The following TRPC4 variants were observed in gnomAD, a reference collection of about 807,000 sequenced individuals.
TRPC4 encodes the protein transient receptor potential cation channel subfamily C member 4.
A neutral mutation model predicts 99.4 loss-of-function variants in TRPC4; 49 were observed. That is an observed-to-expected ratio of 0.49 (90% confidence interval 0.39 to 0.63). TRPC4 has a LOEUF of 0.63. Among genes scored for constraint, TRPC4 ranks in the 20% least tolerant of loss-of-function variants. The pLI, the probability that TRPC4 is intolerant of heterozygous loss-of-function variation, is 0.00. For synonymous variants in TRPC4, 454 were observed against 425.9 expected (o/e 1.07, Z -0.81); for missense variants, 898 against 1,152.9 (o/e 0.78, Z 3.20).
chr13:37,827,559 G>C (rs567980233), intron 1 of TRPC4, among the ~76,000 whole-genome samples: 1 of 152,096 alleles, frequency 6.6e-6, no homozygotes, highest in African/African-American at 2.4e-5. Flanking sequence ...CCCCTGCTGG[G>C]GGGTGCCTCC....
intron 3 of TRPC4, among the ~76,000 whole-genome samples, chr13:37,745,461 T>TGC (rs1362376691): frequency 2.5e-3 from 39 of 15,444 alleles, no homozygotes; most frequent in African/African-American, 7.6e-3. Flanking sequence ...TATATATATA[T>TGC]ATATATATAT....
chr13:37,672,201 C>T lies in TRPC4; in HGVS notation c.1374+2027G>A, dbSNP rs558488230. Reference sequence around the variant, plus strand: ...TTAATCTATGTAAGCATACTCACTACGTACCAGAGTTCTTATATATGAAAA... The same window carrying T: ...TTAATCTATGTAAGCATACTCACTATGTACCAGAGTTCTTATATATGAAAA... On this transcript the variant is annotated intron_variant, in intron 5 of 10. Transcript: ENST00000379705. Among the ~76,000 whole-genome samples the T allele has an allele frequency of 1.6e-4, 25 of 152,266 alleles. No homozygotes were observed. The East Asian group carries it at 3.9e-3, about 23-fold the overall frequency.
At chr13:37,735,893 T>A (rs942507522) in intron 3 of TRPC4, among the ~76,000 whole-genome samples, 1 of 152,202 alleles carries the variant, frequency 6.6e-6, no homozygotes, top group African/African-American at 2.4e-5. Flanking sequence ...CAATTTGCTG[T>A]TTTATGTTTT....
chr13:37,782,173 G>T (rs563300439), intron 2 of TRPC4, among the ~76,000 whole-genome samples: 11 of 152,174 alleles, frequency 7.2e-5, no homozygotes, highest in African/African-American at 2.2e-4. Flanking sequence ...ACACAAGGCA[G>T]TTACAAAGGG....
chr13:37,738,232 A>G (rs1242931551), intron 3 of TRPC4, among the ~76,000 whole-genome samples: 1 of 152,222 alleles, frequency 6.6e-6, no homozygotes, highest in East Asian at 1.9e-4. Context: ...GAATAAGGAA[A>G]TGGCAGGGTG....
rs576254868 is a variant in TRPC4 at position 37,658,872 on chromosome 13, G to A, written c.1689-3589C>T. Among the ~76,000 whole-genome samples, 5 of 152,216 alleles carry A rather than the reference G, an allele frequency of 3.3e-5. No homozygotes were observed. In the South Asian group the frequency reaches 6.2e-4, roughly 19 times the overall value. Reference sequence around the variant, plus strand: ...AAGACATGGATCACAGCCTGACACTGGGCATTCAGTCAGGGAGAAGACCAG... The same window carrying A: ...AAGACATGGATCACAGCCTGACACTAGGCATTCAGTCAGGGAGAAGACCAG... On this transcript the variant is annotated intron_variant, in intron 6 of 10. Transcript: ENST00000379705.
intron 4 of TRPC4, among the ~76,000 whole-genome samples, chr13:37,688,463 C>T (rs1953567514): frequency 6.6e-6 from 1 of 151,986 alleles, no homozygotes; most frequent in Non-Finnish European, 1.5e-5. Flanking sequence ...AACCATAATT[C>T]TTAAGAAGAA....
chr13:37,742,104 CTAGAATTAA>C (rs1955610661), intron 3 of TRPC4, among the ~76,000 whole-genome samples: 1 of 152,038 alleles, frequency 6.6e-6, no homozygotes. Context: ...CATCATTAGC[CTAGAATTAA>C]TAGAAGTAAT....
At chr13:37,831,787 G>C (rs1294226903) in intron 1 of TRPC4, among the ~76,000 whole-genome samples, 1 of 152,176 alleles carries the variant, frequency 6.6e-6, no homozygotes, top group Admixed American at 6.5e-5. Flanking sequence ...CGAGCACAGA[G>C]AGACAAATAC....
chr13:37,863,941 T>C (rs1362198475), intron 1 of TRPC4, among the ~76,000 whole-genome samples: 1 of 151,714 alleles, frequency 6.6e-6, no homozygotes, highest in Non-Finnish European at 1.5e-5. Context: ...TTACAATGTG[T>C]TATGAACTAT....
At chr13:37,709,464 G>C (rs1251849058) in intron 3 of TRPC4, among the ~76,000 whole-genome samples, 1 of 151,858 alleles carries the variant, frequency 6.6e-6, no homozygotes, top group Non-Finnish European at 1.5e-5. Context: ...TAATTTAATG[G>C]GAAGGGCACA....
chr13:37,798,024 G>A (rs1214231675), intron 1 of TRPC4, among the ~76,000 whole-genome samples: 1 of 152,148 alleles, frequency 6.6e-6, no homozygotes, highest in Non-Finnish European at 1.5e-5. Context: ...GTTTTTATCA[G>A]CAGACACGTT....
intron 1 of TRPC4, among the ~76,000 whole-genome samples, chr13:37,790,238 A>T (rs1038506152): frequency 6.6e-6 from 1 of 152,200 alleles, no homozygotes; most frequent in Non-Finnish European, 1.5e-5. Flanking sequence ...TATTTTTATT[A>T]GTAATGACCA....
chr13:37,783,226 G>A lies in TRPC4; in HGVS notation c.108C>T (p.Tyr36=). ...ESELSPSEKA[Y]LNAVEKGDYA... ...AATCTCCCTTTTCCACAGCATTCAA[G>A]TAGGCTTTTTCTGATGGCGAGAGTT... The change falls in exon 2 of 11, where the codon TAC becomes TAT. Residue 36 remains tyrosine, a synonymous_variant. Transcript: ENST00000379705. The A allele has an allele frequency of 1.2e-6, 2 of 1,613,676 alleles. No individual in the cohort carries two copies. Among genetic ancestry groups the A allele is most frequent in the East Asian group, 2.2e-5 (1 of 44,828 alleles).
At chr13:37,825,581 T>C (rs1593267008) in intron 1 of TRPC4, among the ~76,000 whole-genome samples, 3 of 147,882 alleles carry the variant, frequency 2.0e-5, no homozygotes, top group Admixed American at 6.8e-5. Flanking sequence ...AGTCCAGCGG[T>C]TTTGAGTGAG....
intron 1 of TRPC4, among the ~76,000 whole-genome samples, chr13:37,844,758 C>T (rs188461322): frequency 5.9e-5 from 9 of 152,144 alleles, no homozygotes; most frequent in African/African-American, 1.9e-4. Flanking sequence ...AAACCAGTAA[C>T]TCCACAAAAC....
intron 3 of TRPC4, among the ~76,000 whole-genome samples, chr13:37,738,025 T>C (rs1955454580): frequency 6.6e-6 from 1 of 152,176 alleles, no homozygotes; most frequent in African/African-American, 2.4e-5. Context: ...TCAACAGCCA[T>C]CGATAATTCC....
intron 3 of TRPC4, among the ~76,000 whole-genome samples, chr13:37,716,388 C>T (rs980625547): frequency 6.6e-6 from 1 of 152,302 alleles, no homozygotes; most frequent in Non-Finnish European, 1.5e-5. Context: ...TAAAACTACT[C>T]ACTTGAATTT....
chr13:37,682,109 C>T (rs1953262783), intron 4 of TRPC4, among the ~76,000 whole-genome samples: 1 of 152,154 alleles, frequency 6.6e-6, no homozygotes, highest in South Asian at 2.1e-4. Context: ...AAATAGATCT[C>T]CTGTCATTCC....
Sources: gnomAD v4.1 joint callset for allele counts (sites outside exome capture counted in the v4.1 genomes callset) on GRCh38, gnomAD v4.1.1 for gene constraint, MANE v1.5 for transcripts, NCBI Gene and HGNC (gene_info 2026-07-23, HGNC 2026-07-21) for gene names.